Variants in PLCB4 observed in about 807,000 individuals in gnomAD.
PLCB4 encodes phospholipase C beta 4.
A neutral mutation model predicts 178.8 loss-of-function variants in PLCB4; 77 were observed. That is an observed-to-expected ratio of 0.43 (90% CI 0.36 to 0.52). The LOEUF is 0.52. Ranked by LOEUF, PLCB4 falls within the 20% of genes least tolerant of loss-of-function variation. The pLI is 0.00. For missense variants in PLCB4, 1,024 were observed against 1,453.4 expected (o/e 0.70, Z 4.80); for synonymous variants, 496 against 490.8 (o/e 1.01, Z -0.14).
chr20:9,452,829 T>A (rs2042845158), intron 32 of PLCB4, among the ~76,000 whole-genome samples: 1 of 152,194 alleles, frequency 6.6e-6, no homozygotes, highest in African/African-American at 2.4e-5. Context: ...ACAAACACAG[T>A]GATGCCTCTC....
chr20:9,151,571 T>C (rs2092692329), intron 2 of PLCB4, among the ~76,000 whole-genome samples: 2 of 152,304 alleles, frequency 1.3e-5, no homozygotes, highest in South Asian at 2.1e-4. Flanking sequence ...GCTGCTGCCA[T>C]GTTAGAAGTG....
intron 2 of PLCB4, among the ~76,000 whole-genome samples, chr20:9,215,807 T>G (rs767317237): frequency 2.0e-5 from 3 of 152,234 alleles, no homozygotes; most frequent in Non-Finnish European, 2.9e-5. Context: ...GCGTTATTTG[T>G]GTATAACGAT....
chr20:9,252,636 T>G (rs1367994631), intron 3 of PLCB4, among the ~76,000 whole-genome samples: 1 of 152,164 alleles, frequency 6.6e-6, no homozygotes, highest in Non-Finnish European at 1.5e-5. Context: ...ATCAGATAGC[T>G]AGTAAAATAT....
intron 1 of PLCB4, among the ~76,000 whole-genome samples, chr20:9,077,278 T>C (rs979991016): frequency 1.3e-5 from 2 of 152,198 alleles, no homozygotes; most frequent in African/African-American, 2.4e-5. Context: ...TTTGTGCACA[T>C]GTGTGAGAAT....
intron 12 of PLCB4, 64 bp from the exon 13 acceptor site, chr20:9,379,990 A>G: frequency 1.3e-6 from 1 of 759,262 alleles, no homozygotes; most frequent in Non-Finnish European, 2.3e-6. Flanking sequence ...TTATAAACTT[A>G]GTAATGTCTA....
At chr20:9,350,891 G>A (rs1419901682) in intron 7 of PLCB4, among the ~76,000 whole-genome samples, 1 of 152,144 alleles carries the variant, frequency 6.6e-6, no homozygotes, top group African/African-American at 2.4e-5. Context: ...TATAAAAACT[G>A]GGGCAGGGAG....
chr20:9,138,834 A>G (rs1222905836), intron 2 of PLCB4, among the ~76,000 whole-genome samples: 1 of 152,124 alleles, frequency 6.6e-6, no homozygotes, highest in African/African-American at 2.4e-5. Flanking sequence ...AGACTGTCTT[A>G]TCATTACAAC....
At chr20:9,283,300 C>T (rs2094510612) in intron 3 of PLCB4, among the ~76,000 whole-genome samples, 1 of 151,936 alleles carries the variant, frequency 6.6e-6, no homozygotes, top group African/African-American at 2.4e-5. Flanking sequence ...ACATTTGTCT[C>T]ACATGACAAA....
At chr20:9,079,021 A>G (rs1003718764) in intron 1 of PLCB4, among the ~76,000 whole-genome samples, 3 of 152,222 alleles carry the variant, frequency 2.0e-5, no homozygotes, top group South Asian at 2.1e-4. Context: ...TTATTTTTAC[A>G]ACACACTGTG....
intron 3 of PLCB4, among the ~76,000 whole-genome samples, chr20:9,275,975 TAC>T (rs2094447026): frequency 6.6e-6 from 1 of 151,996 alleles, no homozygotes; most frequent in African/African-American, 2.4e-5. Context: ...CTTTTAACCA[TAC>T]ACTGCAGTTT....
intron 7 of PLCB4, among the ~76,000 whole-genome samples, chr20:9,348,800 C>T (rs75909875): frequency 0.037 from 5,577 of 152,128 alleles, 368 homozygotes; most frequent in African/African-American, 0.13. Flanking sequence ...CTGTTGTTTT[C>T]GGGGAATTTT....
At chr20:9,222,285 G>T (rs990433349) in intron 3 of PLCB4, among the ~76,000 whole-genome samples, 6 of 151,746 alleles carry the variant, frequency 4.0e-5, no homozygotes, top group Non-Finnish European at 5.9e-5. Context: ...TAGAGATGGG[G>T]TCTAGCTATG....
At chr20:9,473,965 T>C (rs1426786543) in intron 38 of PLCB4, among the ~76,000 whole-genome samples, 2 of 152,106 alleles carry the variant, frequency 1.3e-5, no homozygotes, top group Non-Finnish European at 2.9e-5. Flanking sequence ...ATGCCTGTAA[T>C]CCCAGCACTT....
At chr20:9,125,360 G>C (rs563994898) in intron 2 of PLCB4, among the ~76,000 whole-genome samples, 1 of 152,122 alleles carries the variant, frequency 6.6e-6, no homozygotes, top group East Asian at 1.9e-4. Flanking sequence ...GCTTGGTATG[G>C]AACTTAATGA....
intron 25 of PLCB4, among the ~76,000 whole-genome samples, chr20:9,417,108 A>G (rs973546479): frequency 1.3e-5 from 2 of 152,196 alleles, no homozygotes; most frequent in African/African-American, 4.8e-5. Flanking sequence ...TTTTACATTT[A>G]AAAGCAAACC....
intron 28 of PLCB4, among the ~76,000 whole-genome samples, chr20:9,432,026 A>T (rs1222727615): frequency 1.3e-5 from 2 of 152,238 alleles, no homozygotes; most frequent in African/African-American, 4.8e-5. Context: ...AGAAAAGTTG[A>T]AAGCCCATCT....
At chr20:9,225,992 G>A (rs1286192026) in intron 3 of PLCB4, among the ~76,000 whole-genome samples, 1 of 152,164 alleles carries the variant, frequency 6.6e-6, no homozygotes, top group East Asian at 1.9e-4. Flanking sequence ...GAGAGGAACC[G>A]GCCGGTGACC....
intron 3 of PLCB4, among the ~76,000 whole-genome samples, chr20:9,247,376 G>A (rs1363191380): frequency 6.6e-6 from 1 of 152,176 alleles, no homozygotes; most frequent in Non-Finnish European, 1.5e-5. Flanking sequence ...AGTTTATGAA[G>A]TTATGGGTAG....
intron 2 of PLCB4, among the ~76,000 whole-genome samples, chr20:9,116,704 A>C (rs902062029): frequency 6.6e-6 from 1 of 152,136 alleles, no homozygotes; most frequent in African/African-American, 2.4e-5. Context: ...ATTTTAAAAA[A>C]CAGCTTGTCA....
Sources: gnomAD v4.1 joint callset for allele counts (sites outside exome capture counted in the v4.1 genomes callset) on GRCh38, gnomAD v4.1.1 for gene constraint, MANE v1.5 for transcripts, NCBI Gene and HGNC (gene_info 2026-07-23, HGNC 2026-07-21) for gene names.